The following PDE5A variants were observed in gnomAD, a reference collection of about 807,000 sequenced individuals.
PDE5A encodes the protein phosphodiesterase 5A.
PDE5A carries 67 observed loss-of-function variants against 110.2 expected under a neutral mutation model. The ratio of observed to expected loss-of-function variants is 0.61; its 90% CI spans 0.50 to 0.75. PDE5A has a LOEUF of 0.75. PDE5A is among the 30% of genes least tolerant of loss of function. The probability of loss-of-function intolerance (pLI) is 0.00; values close to 1 mark genes in which losing one functional copy is unlikely to be tolerated. For synonymous variants in PDE5A, 328 were observed against 351.2 expected, an observed-to-expected ratio of 0.93 and a Z score of 0.74; for missense variants, 862 against 1,045.1, an observed-to-expected ratio of 0.82 and a Z score of 2.42.
At chr4:119,577,751 A>G (rs1411162248) in intron 3 of PDE5A, among the ~76,000 whole-genome samples, 5 of 151,488 alleles carry the variant, frequency 3.3e-5, no homozygotes, top group African/African-American at 9.7e-5. Context: ...GCAAAAACTG[A>G]AAGCATTCCC....
chr4:119,532,255 CTAT>C (rs1726568802), intron 11 of PDE5A, among the ~76,000 whole-genome samples: 1 of 151,882 alleles, frequency 6.6e-6, no homozygotes, highest in African/African-American at 2.4e-5. Context: ...TAAATGACAG[CTAT>C]TATTATTATC....
chr4:119,605,625 T>C (rs1729498263), intron 2 of PDE5A, among the ~76,000 whole-genome samples: 1 of 151,850 alleles, frequency 6.6e-6, no homozygotes, highest in Non-Finnish European at 1.5e-5. Context: ...CCAGCCTGGA[T>C]AGCAAAGTGA....
Position 119,552,561 on chromosome 4 carries a change from T to C in PDE5A, c.1385A>G (p.Asn462Ser). 6.8e-7 allele frequency: 1 copy of C among 1,474,368 alleles called. No individual in the cohort carries two copies. The highest frequency in any genetic ancestry group is 2.5e-5 in the East Asian group (1 of 40,170). 91.3% of individuals were successfully genotyped at this position (1,474,368 alleles called of 1,614,324 possible). ...AGGAAAGGTTTTACCTATAACTTTATTCTTCTTTCCATTTTTTATAGGTGT... is the reference window on the plus strand; with the variant it reads ...AGGAAAGGTTTTACCTATAACTTTACTCTTCTTTCCATTTTTTATAGGTGT... ...LCTPIKNGKK[N>S]KVIGVCQLVN... The change falls in exon 9 of 21, where the codon AAT (asparagine) becomes AGT (serine). Residue 462 changes from asparagine to serine, a missense_variant. By Grantham distance (46) the Asn-to-Ser change is conservative. Transcript: ENST00000354960.
intron 14 of PDE5A, among the ~76,000 whole-genome samples, chr4:119,511,904 T>C (rs1725757157): frequency 1.3e-5 from 2 of 152,138 alleles, no homozygotes; most frequent in South Asian, 4.1e-4. Flanking sequence ...CTCCACCTCA[T>C]GTTTCTCATG....
Position 119,562,917 on chromosome 4 carries a change from T to G in PDE5A, c.1047A>C (p.Val349=). Residue 349 remains valine (V), a synonymous_variant, in exon 6 of 21, where the codon GTA becomes GTC. Transcript: ENST00000354960. ...TAGTGGCAGCTATTTTCTTCAAAATTACTTCTAATGATTGTTGTTCTTCAA... is the reference window on the plus strand; with the variant it reads ...TAGTGGCAGCTATTTTCTTCAAAATGACTTCTAATGATTGTTGTTCTTCAA... ...LIFEEQQSLE[V]ILKKIAATII... 6.2e-7 allele frequency: 1 copy of G among 1,603,056 alleles called. No individual in the cohort carries two copies. The highest frequency in any genetic ancestry group is 8.5e-7 in the Non-Finnish European group (1 of 1,175,922).
chr4:119,607,267 T>G lies in PDE5A; in HGVS notation c.183A>C (p.Arg61Ser). The G allele has an allele frequency of 6.2e-7, 1 of 1,612,156 alleles. No homozygotes were observed. The highest frequency in any genetic ancestry group is 8.5e-7 in the Non-Finnish European group (1 of 1,179,736). Residue 61 changes from arginine (R) to serine (S), a missense_variant, in exon 2 of 21, where the codon AGA (arginine) becomes AGC (serine). Physicochemically the swap from Arg to Ser is moderately radical, Grantham distance 110. Coordinates refer to ENST00000354960, the MANE Select transcript of PDE5A (RefSeq NM_001083.4). ...REMVNAWFAE[R>S]VHTIPVCKEG... ...CCTTGCACACAGGGATGGTGTGAAC[T>G]CTCTCAGCAAACCATGCATTGACCA...
rs1237635596 is a variant in PDE5A, at chr4:119,628,599, TCTGCTGCTGCTTCTGCTGCTGGGG to T, written c.49_72del (p.Pro17_Gln24del). On this transcript the variant is annotated inframe_deletion, in exon 1 of 21. Coordinates refer to ENST00000354960, the MANE Select transcript of PDE5A (RefSeq NM_001083.4). Reference sequence around the variant, plus strand: ...CATGCTTCGACCGAGTCCTGATCCCTCTGCTGCTGCTTCTGCTGCTGGGGCTGCTGCTGCTGTCGCTGCTGCCCG... The same window carrying T: ...CATGCTTCGACCGAGTCCTGATCCCTCTGCTGCTGCTGTCGCTGCTGCCCG... 3 of 1,613,740 alleles carry T rather than the reference TCTGCTGCTGCTTCTGCTGCTGGGG, an allele frequency of 1.9e-6. No individual in the cohort carries two copies. The highest frequency in any genetic ancestry group is 2.5e-6 in the Non-Finnish European group (3 of 1,179,898).
intron 16 of PDE5A, 111 bp downstream of exon 16, chr4:119,507,493 C>T: frequency 1.5e-6 from 1 of 687,688 alleles, no homozygotes. Context: ...TTCTGATAAG[C>T]AGTTTTGCCA....
At chr4:119,547,563 A>C (rs1727177506) in intron 9 of PDE5A, among the ~76,000 whole-genome samples, 1 of 151,986 alleles carries the variant, frequency 6.6e-6, no homozygotes, top group Non-Finnish European at 1.5e-5. Flanking sequence ...TCTTAATAAT[A>C]ATAAAATATT....
intron 12 of PDE5A, among the ~76,000 whole-genome samples, chr4:119,521,792 G>A: frequency 6.6e-6 from 1 of 151,998 alleles, no homozygotes; most frequent in South Asian, 2.1e-4. Flanking sequence ...CAAGAGTTGG[G>A]TTTAATTCAA....
At chr4:119,600,278 T>G (rs575351923) in intron 2 of PDE5A, among the ~76,000 whole-genome samples, 17 of 152,070 alleles carry the variant, frequency 1.1e-4, no homozygotes, top group Non-Finnish European at 1.9e-4. Flanking sequence ...TAATGCATCT[T>G]TAGTTGTTGG....
At chr4:119,592,488 G>C (rs1313254245) in intron 3 of PDE5A, among the ~76,000 whole-genome samples, 13 of 76,852 alleles carry the variant, frequency 1.7e-4, no homozygotes, top group Non-Finnish European at 3.3e-4. Context: ...AAAAAAAAAA[G>C]CTGTGTTCTG....
chr4:119,523,996 C>T (rs931290193), intron 12 of PDE5A, among the ~76,000 whole-genome samples: 26 of 152,036 alleles, frequency 1.7e-4, no homozygotes, highest in Admixed American at 1.7e-3. Flanking sequence ...TTATGACCTA[C>T]TATTGAGAAA....
At position 119,627,419 on chromosome 4, in the gene PDE5A, C is replaced by A; in HGVS notation, c.152+1101G>T. 2.2e-6 allele frequency: 1 copy of A among 449,554 alleles called. No homozygotes were observed. The highest frequency in any genetic ancestry group is 9.4e-5 in the South Asian group (1 of 10,678). The allele number at this position is 449,554 out of a possible 1,614,324, so 27.8% of individuals were successfully genotyped here. On this transcript the variant is annotated intron_variant, in intron 1 of 20. Transcript: ENST00000354960. This position sits in a 1 kb window ranked among gnomAD's most constrained non-coding sequence, Gnocchi z 4.6. Reference sequence around the variant, plus strand: ...CGGCGAGTGGGACCCGGGCGTCGAACCCGGGCGGGCTCCTCGACCATCACT... The same window carrying A: ...CGGCGAGTGGGACCCGGGCGTCGAAACCGGGCGGGCTCCTCGACCATCACT...
chr4:119,508,064 GAAGA>G (rs1283503823), intron 15 of PDE5A, among the ~76,000 whole-genome samples: 3 of 152,062 alleles, frequency 2.0e-5, no homozygotes, highest in African/African-American at 7.2e-5. Flanking sequence ...TAATGGATAT[GAAGA>G]AAGAAGTGGT....
intron 1 of PDE5A, among the ~76,000 whole-genome samples, chr4:119,626,919 A>AAAAAC (rs3839163): frequency 0.33 from 50,102 of 151,176 alleles, 8,353 homozygotes; most frequent in East Asian, 0.38. Context: ...TCCTTAGGAA[A>AAAAAC]AAAACAAAAC....
At chr4:119,556,200 C>T (rs1025162004) in intron 7 of PDE5A, among the ~76,000 whole-genome samples, 3 of 152,174 alleles carry the variant, frequency 2.0e-5, no homozygotes, top group Non-Finnish European at 4.4e-5. Flanking sequence ...ATAAAGACCA[C>T]ATTTCTCAGC....
chr4:119,616,062 T>C (rs1729932578), intron 1 of PDE5A, among the ~76,000 whole-genome samples: 1 of 152,202 alleles, frequency 6.6e-6, no homozygotes, highest in South Asian at 2.1e-4. Flanking sequence ...AAAAAATTCT[T>C]ACCCATAAAT....
At chr4:119,534,697 C>G (rs747480224) in intron 11 of PDE5A, among the ~76,000 whole-genome samples, 3 of 152,112 alleles carry the variant, frequency 2.0e-5, no homozygotes, top group Non-Finnish European at 4.4e-5. Flanking sequence ...TATAATCTGG[C>G]CATCCATACA....
Sources: allele counts gnomAD v4.1 joint callset (sites outside exome capture counted in the v4.1 genomes callset), GRCh38; gene constraint gnomAD v4.1.1; non-coding constraint Gnocchi (gnomAD v3.1); transcripts MANE v1.5; gene names NCBI Gene and HGNC (gene_info 2026-07-23, HGNC 2026-07-21).